The following ADAMTS19 variants were observed in gnomAD, a reference collection of about 807,000 sequenced individuals.
The protein encoded by ADAMTS19 is ADAM metallopeptidase with thrombospondin type 1 motif 19, also known as A disintegrin and metalloproteinase with thrombospondin motifs 19.
In ADAMTS19, 93 loss-of-function variants were observed where a neutral mutation model predicts 153.3. That is an observed-to-expected ratio of 0.61 (90% CI 0.51 to 0.72). The LOEUF (loss-of-function observed/expected upper bound fraction) is 0.72, where lower values mean the gene tolerates loss of function less well. Among genes scored for constraint, ADAMTS19 ranks in the 30% least tolerant of loss-of-function variants. ADAMTS19 has a pLI of 0.00. For synonymous variants in ADAMTS19, 600 were observed against 556.6 expected (o/e 1.08, Z -1.10); for missense variants, 1,482 against 1,552.1 (o/e 0.95, Z 0.76).
chr5:129,608,915 C>T (rs545441679), intron 8 of ADAMTS19, among the ~76,000 whole-genome samples: 1 of 151,300 alleles, frequency 6.6e-6, no homozygotes, highest in Non-Finnish European at 1.5e-5. Flanking sequence ...TATATCATCT[C>T]CTAAGACTTT....
intron 21 of ADAMTS19, among the ~76,000 whole-genome samples, chr5:129,724,960 GGCCCCA>G (rs1757146193): frequency 6.6e-6 from 1 of 152,002 alleles, no homozygotes; most frequent in Non-Finnish European, 1.5e-5. Flanking sequence ...AACATATCTG[GGCCCCA>G]GGTAGCCTTT....
rs149018188 is a variant in ADAMTS19 at position 129,676,377 on chromosome 5, A to G, written c.2507-3387A>G. Among the ~76,000 whole-genome samples the G allele has an allele frequency of 2.4e-3, 367 of 152,244 alleles. 1 individual carries two copies. Among genetic ancestry groups the G allele is most frequent in the African/African-American group, 8.6e-3 (356 of 41,534 alleles). On this transcript the variant is annotated intron_variant, in intron 16 of 22. Coordinates refer to ENST00000274487, the MANE Select transcript of ADAMTS19 (RefSeq NM_133638.6). ...GGATTAGTTTAACTTTATTTCTTATATGTAGCCTTTTTTTGTTCTCCACTA... is the reference window on the plus strand; with the variant it reads ...GGATTAGTTTAACTTTATTTCTTATGTGTAGCCTTTTTTTGTTCTCCACTA...
Position 129,461,503 on chromosome 5 carries a change from G to A in ADAMTS19, c.493G>A (p.Glu165Lys). The A allele has an allele frequency of 3.3e-6, 5 of 1,507,830 alleles. No homozygotes were observed. Among genetic ancestry groups the A allele is most frequent in the Non-Finnish European group, 4.4e-6 (5 of 1,136,892 alleles). 93.4% of individuals were successfully genotyped at this position (1,507,830 alleles called of 1,614,324 possible). A position where few individuals can be genotyped will look rare whatever the true frequency, so the allele number is the denominator to read the frequency against. ...GTCCCCGCCCCCGGCCCAGCATGCCGAGCCGGATGGCGACGAAGTGTTGCT... is the reference window on the plus strand; with the variant it reads ...GTCCCCGCCCCCGGCCCAGCATGCCAAGCCGGATGGCGACGAAGTGTTGCT... Reference protein sequence around the residue: ...PPSPPPAQHAEPDGDEVLLRI... With the variant: ...PPSPPPAQHAKPDGDEVLLRI... The change falls in exon 2 of 23, where the codon GAG (glutamate) becomes AAG (lysine). Residue 165 changes from glutamate (E) to lysine (K), a missense_variant. Physicochemically the swap from Glu to Lys is moderately conservative, Grantham distance 56. Transcript: ENST00000274487. The surrounding 1 kb of genome is among the most constrained non-coding windows in gnomAD (Gnocchi z 4.6).
intron 7 of ADAMTS19, among the ~76,000 whole-genome samples, chr5:129,592,377 C>CA (rs1169388973): frequency 0.32 from 25,672 of 79,118 alleles, 3,648 homozygotes; most frequent in African/African-American, 0.37. Flanking sequence ...GTCTCCGTTT[C>CA]AAAAAAAAAA....
intron 2 of ADAMTS19, among the ~76,000 whole-genome samples, chr5:129,504,868 C>CAG (rs1751219571): frequency 1.2e-5 from 1 of 83,028 alleles, no homozygotes; most frequent in Non-Finnish European, 2.2e-5. Context: ...TCTACACACA[C>CAG]ACAGACACAC....
At position 129,509,184 on chromosome 5, in the gene ADAMTS19, G is replaced by A. The variant is rs1458831155; in HGVS notation, c.855G>A (p.Met285Ile). 3 of 1,612,184 alleles carry A rather than the reference G, an allele frequency of 1.9e-6. No homozygotes were observed. The highest frequency in any genetic ancestry group is 2.7e-5 in the African/African-American group (2 of 74,816). The change falls in exon 3 of 23, where the codon ATG becomes ATA. Residue 285 changes from methionine to isoleucine, a missense_variant. This residue lies in a region of ADAMTS19 where 866 missense variants were observed against 827.7 expected (regional missense o/e 1.05). Coordinates refer to ENST00000274487, the MANE Select transcript of ADAMTS19 (RefSeq NM_133638.6). The stretch of plus-strand genomic sequence containing the variant: ...GTGTATATAGGCAGAAAAGGTCCAT[G>A]GAGGAAAAGGTCACAGAGAAGTCAG... ...PHRVYRQKRSMEEKVTEKSAL... is the reference protein window; with the variant it reads ...PHRVYRQKRSIEEKVTEKSAL...
At chr5:129,618,118 G>A (rs1248133392) in intron 8 of ADAMTS19, among the ~76,000 whole-genome samples, 1 of 152,042 alleles carries the variant, frequency 6.6e-6, no homozygotes, top group African/African-American at 2.4e-5. Context: ...AGGGGAAGAT[G>A]CAGAGATTAA....
intron 7 of ADAMTS19, among the ~76,000 whole-genome samples, chr5:129,554,951 T>C (rs965417699): frequency 4.6e-5 from 7 of 152,144 alleles, no homozygotes; most frequent in Admixed American, 4.6e-4. Flanking sequence ...GCCAAAGTGA[T>C]TTAGGGTTAA....
chr5:129,528,688 CA>C lies in ADAMTS19; in HGVS notation c.1328+13del. On this transcript the variant is annotated intron_variant, in intron 6 of 22. Coordinates refer to ENST00000274487, the MANE Select transcript of ADAMTS19 (RefSeq NM_133638.6). ...TATACTTATAACAAGGTAAATTTTC[CA>C]ATGCCAATTAAATGGCATTCCTAAT... The C allele has an allele frequency of 6.3e-7, 1 of 1,576,970 alleles. No homozygotes were observed. Among genetic ancestry groups the C allele is most frequent in the East Asian group, 2.4e-5 (1 of 41,722 alleles).
intron 8 of ADAMTS19, among the ~76,000 whole-genome samples, chr5:129,605,335 T>C (rs1750841143): frequency 6.6e-6 from 1 of 152,170 alleles, no homozygotes; most frequent in Non-Finnish European, 1.5e-5. Flanking sequence ...CATTCCCTTC[T>C]TACCAACTGT....
intron 21 of ADAMTS19, among the ~76,000 whole-genome samples, chr5:129,721,148 G>T (rs1756990798): frequency 6.6e-6 from 1 of 152,148 alleles, no homozygotes; most frequent in African/African-American, 2.4e-5. Context: ...ATATTTCAGA[G>T]CATGTTTGCT....
At position 129,679,907 on chromosome 5, in the gene ADAMTS19, C is replaced by A; in HGVS notation, c.2650C>A (p.Pro884Thr). 1.9e-6 allele frequency: 3 copies of A among 1,612,754 alleles called. No individual in the cohort carries two copies. The highest frequency in any genetic ancestry group is 2.2e-5 in the East Asian group (1 of 44,840). Reference protein sequence around the residue: ...KISAKGPTTAPLHLLVLLFQD... With the variant: ...KISAKGPTTATLHLLVLLFQD... ...CTCTGCCAAAGGTCCTACTACAGCA[C>A]CTTTACATCTTCTGGTATGAGGGAA... Residue 884 changes from proline to threonine, a missense_variant, in exon 17 of 23, where the codon CCT (proline) becomes ACT (threonine). Around this residue, in one of 2 missense-constraint regions of ADAMTS19, gnomAD observed 616 missense variants for 724.4 expected, o/e 0.85. Transcript: ENST00000274487.
chr5:129,725,600 G>A (rs1757175493), intron 21 of ADAMTS19, among the ~76,000 whole-genome samples: 1 of 152,094 alleles, frequency 6.6e-6, no homozygotes. Context: ...TAGAGAAACT[G>A]CCTTCCCCAG....
intron 9 of ADAMTS19, among the ~76,000 whole-genome samples, chr5:129,621,993 C>A (rs1452830914): frequency 6.6e-6 from 1 of 152,076 alleles, no homozygotes; most frequent in Non-Finnish European, 1.5e-5. Flanking sequence ...CCATAAAGTT[C>A]TTTTAACTTG....
At chr5:129,565,279 C>T (rs1361337870) in intron 7 of ADAMTS19, among the ~76,000 whole-genome samples, 1 of 152,020 alleles carries the variant, frequency 6.6e-6, no homozygotes, top group Non-Finnish European at 1.5e-5. Context: ...TCATTTAATC[C>T]AGATGGCCAC....
intron 1 of ADAMTS19, 137 bp downstream of exon 1, chr5:129,460,619 T>C (rs1749614884): frequency 3.2e-6 from 3 of 937,454 alleles, no homozygotes; most frequent in Non-Finnish European, 5.0e-6. Context: ...GAGCTTGAGG[T>C]GCAGGTTAAG....
At chr5:129,676,855 T>C (rs957001766) in intron 16 of ADAMTS19, among the ~76,000 whole-genome samples, 2 of 152,208 alleles carry the variant, frequency 1.3e-5, no homozygotes, top group African/African-American at 2.4e-5. Context: ...TTCTGGAGAA[T>C]GCTGAATGTC....
intron 17 of ADAMTS19, among the ~76,000 whole-genome samples, 165 bp downstream of exon 17, chr5:129,680,086 A>G (rs1309319796): frequency 2.0e-5 from 3 of 152,208 alleles, no homozygotes; most frequent in Non-Finnish European, 2.9e-5. Context: ...GTTTTAAATC[A>G]TGTTGTCTAA....
At chr5:129,641,620 G>A (rs546959387) in intron 10 of ADAMTS19, among the ~76,000 whole-genome samples, 16 of 151,888 alleles carry the variant, frequency 1.1e-4, no homozygotes, top group Non-Finnish European at 2.2e-4. Flanking sequence ...ATTTAAGGAA[G>A]TTTTAAAAGA....
Sources: allele counts gnomAD v4.1 joint callset (sites outside exome capture counted in the v4.1 genomes callset), GRCh38; gene constraint gnomAD v4.1.1; regional missense constraint gnomAD v4.1.1; non-coding constraint Gnocchi (gnomAD v3.1); transcripts MANE v1.5; gene names NCBI Gene and HGNC (gene_info 2026-07-23, HGNC 2026-07-21).